MPP7: variants seen among roughly 807,000 people sequenced by gnomAD.
MPP7 encodes MAGUK p55 scaffold protein 7.
In MPP7, 60 loss-of-function variants were observed where a neutral mutation model predicts 76.5. That is an observed-to-expected ratio of 0.78 (90% CI 0.64 to 0.97). The LOEUF (loss-of-function observed/expected upper bound fraction) is 0.97. Among genes scored for constraint, MPP7 ranks in the 50% least tolerant of loss-of-function variants. The probability of loss-of-function intolerance (pLI) is 0.00; values close to 1 mark genes in which losing one functional copy is unlikely to be tolerated. For synonymous variants in MPP7, 237 were observed against 244.5 expected (o/e 0.97, Z 0.29); for missense variants, 641 against 694.0 (o/e 0.92, Z 0.86).
At chr10:28,190,547 G>C (rs1338020821) in intron 3 of MPP7, among the ~76,000 whole-genome samples, 1 of 151,954 alleles carries the variant, frequency 6.6e-6, no homozygotes, top group Admixed American at 6.6e-5. Flanking sequence ...CTAAATATTT[G>C]GAAATTGGAC....
intron 11 of MPP7, chr10:28,118,500 T>C: frequency 1.0e-6 from 1 of 985,322 alleles, no homozygotes; most frequent in Non-Finnish European, 1.2e-6. Flanking sequence ...TATTTAAAAA[T>C]CCCTTTGAGA....
chr10:28,273,240 A>G (rs1190750393), intron 1 of MPP7, among the ~76,000 whole-genome samples: 1 of 152,192 alleles, frequency 6.6e-6, no homozygotes. Context: ...TTTAAACCAT[A>G]AACAGTATTA....
intron 2 of MPP7, among the ~76,000 whole-genome samples, chr10:28,233,262 G>A (rs1052410795): frequency 6.6e-6 from 1 of 152,214 alleles, no homozygotes. Flanking sequence ...CTAAGGATTA[G>A]AGTTGAAAAC....
chr10:28,300,750 G>A (rs1322558558), intron 1 of MPP7, among the ~76,000 whole-genome samples: 1 of 151,558 alleles, frequency 6.6e-6, no homozygotes, highest in Non-Finnish European at 1.5e-5. Flanking sequence ...TCAGGAGTTC[G>A]AGACCAGCCT....
chr10:28,086,516 C>T (rs1055314251), intron 12 of MPP7, among the ~76,000 whole-genome samples: 4 of 152,148 alleles, frequency 2.6e-5, no homozygotes, highest in African/African-American at 9.7e-5. Context: ...GGACAATTAG[C>T]ATTCAGACAG....
intron 1 of MPP7, among the ~76,000 whole-genome samples, chr10:28,279,266 T>C (rs1840596117): frequency 6.6e-6 from 1 of 152,076 alleles, no homozygotes; most frequent in Admixed American, 6.5e-5. Flanking sequence ...AATAAATCCA[T>C]GCCTTCCTTC....
At chr10:28,293,557 G>A (rs532390267) in intron 1 of MPP7, among the ~76,000 whole-genome samples, 1 of 152,336 alleles carries the variant, frequency 6.6e-6, no homozygotes, top group East Asian at 1.9e-4. Flanking sequence ...AATGGGGATA[G>A]GTGATGAAGG....
At chr10:28,223,962 G>A (rs751507927) in intron 2 of MPP7, among the ~76,000 whole-genome samples, 5 of 151,364 alleles carry the variant, frequency 3.3e-5, no homozygotes, top group Non-Finnish European at 5.9e-5. Context: ...TTGGGAGGCC[G>A]AGGCAGAAGG....
intron 12 of MPP7, among the ~76,000 whole-genome samples, chr10:28,080,702 T>C (rs1378022528): frequency 1.3e-5 from 2 of 152,178 alleles, no homozygotes; most frequent in African/African-American, 2.4e-5. Flanking sequence ...AAAATAAATA[T>C]TTAAGATTGG....
chr10:28,160,854 G>A (rs577868796), intron 3 of MPP7, among the ~76,000 whole-genome samples: 11 of 152,184 alleles, frequency 7.2e-5, no homozygotes, highest in African/African-American at 2.6e-4. Context: ...ATGATTTTGA[G>A]GTCTGAAAAG....
At chr10:28,152,773 T>C (rs1835924766) in intron 3 of MPP7, among the ~76,000 whole-genome samples, 2 of 152,316 alleles carry the variant, frequency 1.3e-5, no homozygotes, top group South Asian at 4.1e-4. Context: ...TTTACTCTGA[T>C]ACAGGGTGAC....
intron 4 of MPP7, among the ~76,000 whole-genome samples, chr10:28,149,013 T>C (rs1304235279): frequency 6.6e-6 from 1 of 152,228 alleles, no homozygotes; most frequent in African/African-American, 2.4e-5. Context: ...AACATACTTG[T>C]AATCTTTGTA....
At chr10:28,268,938 G>C (rs1236878900) in intron 1 of MPP7, among the ~76,000 whole-genome samples, 2 of 151,874 alleles carry the variant, frequency 1.3e-5, no homozygotes, top group East Asian at 3.9e-4. Flanking sequence ...CAAAGAAAAA[G>C]AAAATGGGGC....
At chr10:28,279,740 A>G (rs1294311156) in intron 1 of MPP7, among the ~76,000 whole-genome samples, 1 of 151,964 alleles carries the variant, frequency 6.6e-6, no homozygotes, top group African/African-American at 2.4e-5. Flanking sequence ...CATTCTTTCA[A>G]TATCACTTAT....
intron 13 of MPP7, among the ~76,000 whole-genome samples, chr10:28,067,697 C>G (rs553332671): frequency 6.6e-6 from 1 of 152,212 alleles, no homozygotes; most frequent in East Asian, 1.9e-4. Context: ...CTAGGTCCTT[C>G]CATAATATCA....
intron 1 of MPP7, among the ~76,000 whole-genome samples, chr10:28,278,109 T>C (rs1840558564): frequency 6.6e-6 from 1 of 152,046 alleles, no homozygotes; most frequent in South Asian, 2.1e-4. Context: ...AGAATATTGT[T>C]TTAATATAGA....
intron 1 of MPP7, among the ~76,000 whole-genome samples, chr10:28,275,702 C>A (rs1275873777): frequency 6.6e-6 from 1 of 151,600 alleles, no homozygotes; most frequent in African/African-American, 2.4e-5. Context: ...CCACCATGCC[C>A]AACCCCTTCC....
chr10:28,058,485 G>A lies in MPP7; in HGVS notation c.1407+10C>T. ...TCAGAAGGGTATTGAATAGCTCATT[G>A]TTTACTTACATGAGGCTGAACATCC... On this transcript the variant is annotated intron_variant, in intron 15 of 16. Coordinates refer to ENST00000683449, the MANE Select transcript of MPP7 (RefSeq NM_001318170.2). 2 of 1,531,574 alleles carry A rather than the reference G, an allele frequency of 1.3e-6. No individual in the cohort carries two copies. The highest frequency in any genetic ancestry group is 1.8e-6 in the Non-Finnish European group (2 of 1,114,374). The allele number at this position is 1,531,574 out of a possible 1,614,324, so 94.9% of individuals were successfully genotyped here.
At chr10:28,070,342 T>G (rs1373331796) in intron 12 of MPP7, among the ~76,000 whole-genome samples, 4 of 152,078 alleles carry the variant, frequency 2.6e-5, no homozygotes, top group African/African-American at 7.2e-5. Flanking sequence ...GAGCTTGCAG[T>G]GAGCCGAGAT....
Sources: gnomAD v4.1 joint callset for allele counts (sites outside exome capture counted in the v4.1 genomes callset) on GRCh38, gnomAD v4.1.1 for gene constraint, MANE v1.5 for transcripts, NCBI Gene and HGNC (gene_info 2026-07-23, HGNC 2026-07-21) for gene names.